The following PPP3R1 variants were observed in gnomAD, a reference collection of about 807,000 sequenced individuals.
PPP3R1 encodes calcineurin subunit B type 1.
In PPP3R1, 5 loss-of-function variants were observed where a neutral mutation model predicts 22.6. The observed-to-expected ratio is 0.22, with a 90% CI of 0.12 to 0.46. The LOEUF is 0.46. Ranked by LOEUF, PPP3R1 falls within the 20% of genes least tolerant of loss-of-function variation. PPP3R1 has a pLI of 0.99. For missense variants in PPP3R1, 61 were observed against 203.2 expected (o/e 0.30, Z 4.25); for synonymous variants, 56 against 65.2 (o/e 0.86, Z 0.68).
intron 2 of PPP3R1, among the ~76,000 whole-genome samples, chr2:68,197,052 C>T (rs1674793314): frequency 6.6e-6 from 1 of 152,146 alleles, no homozygotes; most frequent in Admixed American, 6.5e-5. Context: ...TTTAAGCCAA[C>T]TTTGAGGAAT....
rs560119532 is a variant in PPP3R1, at chr2:68,245,318, C to G, written c.3+6807G>C. On this transcript the variant is annotated intron_variant, in intron 1 of 5. Coordinates refer to ENST00000234310, the MANE Select transcript of PPP3R1 (RefSeq NM_000945.4). ...TGGAGGCTGCAATAAGCTGAGATCG[C>G]ACCACCGCACTCCAACCTGGGCAAA... 2.6e-5 allele frequency among the ~76,000 whole-genome samples: 4 copies of G among 152,132 alleles called. No individual in the cohort carries two copies. The South Asian group carries it at 8.3e-4, about 32-fold the overall frequency.
intron 1 of PPP3R1, among the ~76,000 whole-genome samples, chr2:68,217,587 T>TACC (rs1669603825): frequency 6.6e-6 from 1 of 152,070 alleles, no homozygotes; most frequent in African/African-American, 2.4e-5. Context: ...AGAAACCTGC[T>TACC]ACCATTTTTC....
chr2:68,203,601 C>A (rs1348677048), intron 2 of PPP3R1, among the ~76,000 whole-genome samples: 49 of 142,296 alleles, frequency 3.4e-4, no homozygotes, highest in South Asian at 4.4e-4. Flanking sequence ...AACTCTGTCT[C>A]AAAAAAAAAA....
intron 2 of PPP3R1, among the ~76,000 whole-genome samples, chr2:68,191,750 T>A (rs1047984534): frequency 1.3e-5 from 2 of 152,186 alleles, no homozygotes; most frequent in Non-Finnish European, 1.5e-5. Context: ...TATAAGCACT[T>A]CATAAGCACA....
chr2:68,217,049 T>G (rs775441836), intron 2 of PPP3R1, 43 bp downstream of exon 2: 9 of 1,346,874 alleles, frequency 6.7e-6, no homozygotes, highest in South Asian at 6.6e-5. Context: ...CAGAGAGAGA[T>G]GAGTGAATAA....
At chr2:68,246,593 T>C (rs1670240900) in intron 1 of PPP3R1, among the ~76,000 whole-genome samples, 1 of 152,326 alleles carries the variant, frequency 6.6e-6, no homozygotes, top group Admixed American at 6.5e-5. Context: ...TCTTGATCTC[T>C]GCAGTATCTA....
At chr2:68,232,422 C>G (rs903961544) in intron 1 of PPP3R1, among the ~76,000 whole-genome samples, 1 of 147,718 alleles carries the variant, frequency 6.8e-6, no homozygotes, top group Non-Finnish European at 1.5e-5. Flanking sequence ...GCCTGCGCAA[C>G]AGAGTGAGAC....
rs539434897 is a variant in PPP3R1, at chr2:68,198,283, ATG to A, written c.44-9595_44-9594del. ...TATACATACATATGTGTATGCATGT[ATG>A]TGTATACACATGTATACATGTATAC... On this transcript the variant is annotated intron_variant, in intron 2 of 5. Transcript: ENST00000234310. Among the ~76,000 whole-genome samples, 58 of 145,540 alleles carry A rather than the reference ATG, an allele frequency of 4.0e-4. 2 individuals are homozygous for A. The South Asian group carries it at 0.012, about 30-fold the overall frequency.
intron 1 of PPP3R1, among the ~76,000 whole-genome samples, chr2:68,217,743 C>T (rs958819127): frequency 1.3e-5 from 2 of 151,806 alleles, no homozygotes; most frequent in Non-Finnish European, 2.9e-5. Flanking sequence ...ATGAATAGAC[C>T]CTAACTTAAC....
At position 68,180,890 on chromosome 2, in the gene PPP3R1, G is replaced by C; in HGVS notation, c.*73C>G. 1 of 1,431,218 alleles carries C rather than the reference G, an allele frequency of 7.0e-7. No individual in the cohort carries two copies. Among genetic ancestry groups the C allele is most frequent in the Admixed American group, 1.8e-5 (1 of 56,880 alleles). 88.7% of individuals were successfully genotyped at this position (1,431,218 alleles called of 1,614,324 possible). A position where few individuals can be genotyped will look rare whatever the true frequency, so the allele number is the denominator to read the frequency against. ...TCCATTTAAATACACAGAGAGCATT[G>C]CTGGACGTCTTGAGCAGATCTTCAG... On this transcript the variant is annotated 3_prime_UTR_variant, in exon 6 of 6. Coordinates refer to ENST00000234310, the MANE Select transcript of PPP3R1 (RefSeq NM_000945.4).
rs566428452 is a variant in PPP3R1 at position 68,198,677 on chromosome 2, C to T, written c.44-9987G>A. ...GACTCTTCTAAGACCCGTGCATTTC[C>T]ACATGGAATTAACCATCAGTTTGCT... On this transcript the variant is annotated intron_variant, in intron 2 of 5. Coordinates refer to ENST00000234310, the MANE Select transcript of PPP3R1 (RefSeq NM_000945.4). 3.3e-5 allele frequency among the ~76,000 whole-genome samples: 5 copies of T among 152,002 alleles called. No individual in the cohort carries two copies. The East Asian group carries it at 9.7e-4, about 29-fold the overall frequency.
chr2:68,218,727 A>T (rs1350345608), intron 1 of PPP3R1, among the ~76,000 whole-genome samples: 1 of 104,254 alleles, frequency 9.6e-6, no homozygotes. Flanking sequence ...TGTCACTGTG[A>T]GTTTTTTTTT....
At chr2:68,232,810 T>C (rs1300383233) in intron 1 of PPP3R1, among the ~76,000 whole-genome samples, 2 of 152,152 alleles carry the variant, frequency 1.3e-5, no homozygotes, top group East Asian at 1.9e-4. Context: ...TTTTGCCATA[T>C]TGGCCAGGCT....
rs1014216078 is a variant in PPP3R1 at position 68,188,436 on chromosome 2, T to G, written c.220+78A>C. ...GGTCACTAGGAATATAAGCACTTTT[T>G]TTTTTTTTTTACACAGAGCTGTAAG... On this transcript the variant is annotated intron_variant, in intron 3 of 5. Transcript: ENST00000234310. The G allele has an allele frequency of 1.1e-5, 13 of 1,237,916 alleles. No homozygotes were observed. In the African/African-American group the frequency reaches 2.0e-4, roughly 19 times the overall value. The allele number at this position is 1,237,916 out of a possible 1,614,324, so 76.7% of individuals were successfully genotyped here.
intron 1 of PPP3R1, among the ~76,000 whole-genome samples, chr2:68,249,132 T>C (rs1670289345): frequency 6.6e-6 from 1 of 152,240 alleles, no homozygotes; most frequent in Non-Finnish European, 1.5e-5. Context: ...AACAGTTGCC[T>C]GATCCTTCCA....
At chr2:68,233,961 A>G (rs1669966686) in intron 1 of PPP3R1, among the ~76,000 whole-genome samples, 1 of 152,236 alleles carries the variant, frequency 6.6e-6, no homozygotes, top group African/African-American at 2.4e-5. Flanking sequence ...CAGAGAAATA[A>G]CATTTACATG....
intron 1 of PPP3R1, among the ~76,000 whole-genome samples, chr2:68,232,265 GTATATA>G (rs10545203): frequency 0.049 from 1,253 of 25,358 alleles, 28 homozygotes; most frequent in African/African-American, 0.19. Context: ...GTGTGTGTGT[GTATATA>G]TATATACACA....
At chr2:68,212,038 A>G (rs13396844) in intron 2 of PPP3R1, among the ~76,000 whole-genome samples, 184 of 152,308 alleles carry the variant, frequency 1.2e-3, no homozygotes, top group African/African-American at 3.9e-3. Flanking sequence ...ATGAATCACG[A>G]ATGTAATTAA....
intron 2 of PPP3R1, among the ~76,000 whole-genome samples, chr2:68,197,887 C>A (rs2103737472): frequency 6.6e-6 from 1 of 151,244 alleles, no homozygotes; most frequent in South Asian, 2.1e-4. Flanking sequence ...CATCCTTGAT[C>A]ATGAAGATTT....
Sources: allele counts gnomAD v4.1 joint callset (sites outside exome capture counted in the v4.1 genomes callset), GRCh38; gene constraint gnomAD v4.1.1; transcripts MANE v1.5; gene names NCBI Gene and HGNC (gene_info 2026-07-23, HGNC 2026-07-21).